The following CAMTA1 variants were observed in gnomAD, a reference collection of about 807,000 sequenced individuals.
CAMTA1 encodes the protein calmodulin binding transcription activator 1, also known as calmodulin-binding transcription activator 1.
A neutral mutation model predicts 170.9 loss-of-function variants in CAMTA1; 27 were observed. The observed-to-expected ratio is 0.16, with a 90% CI of 0.12 to 0.22. CAMTA1 has a LOEUF of 0.22. Among genes scored for constraint, CAMTA1 ranks in the 10% least tolerant of loss-of-function variants. CAMTA1 has a pLI of 1.00. For synonymous variants in CAMTA1, 833 were observed against 891.5 expected (o/e 0.93, Z 1.17); for missense variants, 1,619 against 2,217.2 (o/e 0.73, Z 5.42).
chr1:7,619,874 T>A (rs1576435149), intron 6 of CAMTA1, among the ~76,000 whole-genome samples: 1 of 152,212 alleles, frequency 6.6e-6, no homozygotes, highest in African/African-American at 2.4e-5. Flanking sequence ...GGTCTTGAAC[T>A]CCTGGGCTCA....
intron 5 of CAMTA1, among the ~76,000 whole-genome samples, chr1:7,288,296 C>T (rs1239661471): frequency 6.6e-6 from 1 of 152,194 alleles, no homozygotes; most frequent in Admixed American, 6.5e-5. Context: ...GCTTTCCTAA[C>T]AGGAAGGGGT....
intron 11 of CAMTA1, among the ~76,000 whole-genome samples, chr1:7,684,907 T>C (rs2096244928): frequency 6.6e-6 from 1 of 152,066 alleles, no homozygotes; most frequent in Non-Finnish European, 1.5e-5. Flanking sequence ...ACCAGAAGCC[T>C]CCTGAGGGTT....
intron 5 of CAMTA1, among the ~76,000 whole-genome samples, chr1:7,302,794 G>T (rs532705005): frequency 2.0e-5 from 3 of 152,256 alleles, no homozygotes; most frequent in Admixed American, 6.5e-5. Flanking sequence ...TCTTTTGTTG[G>T]TCACATGGAT....
chr1:7,045,549 T>TA (rs768327799), intron 3 of CAMTA1, among the ~76,000 whole-genome samples: 14 of 152,252 alleles, frequency 9.2e-5, no homozygotes, highest in Non-Finnish European at 1.8e-4. Flanking sequence ...AGATTATTTT[T>TA]ATTCCATTAG....
At chr1:7,070,564 C>G (rs150694064) in intron 3 of CAMTA1, among the ~76,000 whole-genome samples, 2,654 of 152,278 alleles carry the variant, frequency 0.017, 108 homozygotes, top group Admixed American at 0.096. Context: ...TCTCTCTCAT[C>G]ACGGTGATGC....
intron 5 of CAMTA1, among the ~76,000 whole-genome samples, chr1:7,454,959 C>A (rs1020825494): frequency 6.6e-6 from 1 of 152,160 alleles, no homozygotes; most frequent in African/African-American, 2.4e-5. Flanking sequence ...TTTCATTCTG[C>A]AGATGATGAA....
intron 1 of CAMTA1, among the ~76,000 whole-genome samples, chr1:6,817,915 T>TATA (rs2148426290): frequency 6.6e-6 from 1 of 152,304 alleles, no homozygotes; most frequent in South Asian, 2.1e-4. Context: ...GGAGTCACAT[T>TATA]ATAGAGAAAG....
rs757973349 is a variant in CAMTA1 at position 7,746,062 on chromosome 1, C to T, written c.4588C>T (p.Leu1530Phe). Residue 1530 changes from leucine (L) to phenylalanine (F), a missense_variant, in exon 18 of 23, where the codon CTT becomes TTT. Transcript: ENST00000303635. Reference protein sequence around the residue: ...EQRELYEAARLVQTAFRKYKG... With the variant: ...EQRELYEAARFVQTAFRKYKG... Reference sequence around the variant, plus strand: ...GAGAGAACTCTATGAGGCTGCCAGGCTTGTCCAGACAGCTTTCCGGAAATA... The same window carrying T: ...GAGAGAACTCTATGAGGCTGCCAGGTTTGTCCAGACAGCTTTCCGGAAATA... 21 of 1,614,072 alleles carry T rather than the reference C, an allele frequency of 1.3e-5. No individual in the cohort carries two copies. Among genetic ancestry groups the T allele is most frequent in the Non-Finnish European group, 1.7e-5 (20 of 1,180,012 alleles).
At chr1:7,655,209 AACACACCCATCTATAC>A (rs1328291725) in intron 7 of CAMTA1, among the ~76,000 whole-genome samples, 1 of 88,370 alleles carries the variant, frequency 1.1e-5, no homozygotes, top group Non-Finnish European at 2.2e-5. Context: ...TATACACACA[AACACACCCATCTATAC>A]ACACACACAC....
At chr1:6,829,484 CAG>C (rs1418331932) in intron 3 of CAMTA1, among the ~76,000 whole-genome samples, 1 of 152,194 alleles carries the variant, frequency 6.6e-6, no homozygotes, top group Non-Finnish European at 1.5e-5. Context: ...TACTGGTCCT[CAG>C]GTGGTAAAGA....
chr1:7,457,945 C>T (rs990362644), intron 5 of CAMTA1, among the ~76,000 whole-genome samples: 1 of 152,194 alleles, frequency 6.6e-6, no homozygotes, highest in South Asian at 2.1e-4. Context: ...TGTCCTGTCC[C>T]CCACGGCCAG....
chr1:7,032,067 G>T (rs1227942394), intron 3 of CAMTA1, among the ~76,000 whole-genome samples: 1 of 152,072 alleles, frequency 6.6e-6, no homozygotes, highest in African/African-American at 2.4e-5. Flanking sequence ...CTGGGTTCAA[G>T]AAATTTTCCT....
chr1:6,910,683 T>A (rs1170466610), intron 3 of CAMTA1, among the ~76,000 whole-genome samples: 1 of 152,346 alleles, frequency 6.6e-6, no homozygotes, highest in East Asian at 1.9e-4. Flanking sequence ...CTTTTCTGTT[T>A]ATAGAGCGCA....
chr1:7,417,321 A>C (rs1281584089), intron 5 of CAMTA1, among the ~76,000 whole-genome samples: 1 of 152,240 alleles, frequency 6.6e-6, no homozygotes, highest in Non-Finnish European at 1.5e-5. Flanking sequence ...AGGGACGTTT[A>C]AGTCTGCAGA....
chr1:7,119,029 C>A (rs145337434), intron 4 of CAMTA1, among the ~76,000 whole-genome samples: 14 of 152,288 alleles, frequency 9.2e-5, no homozygotes, highest in African/African-American at 2.9e-4. Context: ...TCCTGTATTT[C>A]CCGGATACCC....
chr1:7,496,237 G>C (rs771277285), intron 6 of CAMTA1, among the ~76,000 whole-genome samples: 6 of 152,220 alleles, frequency 3.9e-5, no homozygotes, highest in African/African-American at 7.2e-5. Flanking sequence ...TGCGGGAGGA[G>C]GTGCTGGAGA....
chr1:6,832,598 T>C (rs1650821571), intron 3 of CAMTA1, among the ~76,000 whole-genome samples: 2 of 152,128 alleles, frequency 1.3e-5, no homozygotes, highest in South Asian at 4.1e-4. Flanking sequence ...ACTTCCTAAA[T>C]GTGAGCTAAG....
At chr1:7,599,563 T>C (rs2095425091) in intron 6 of CAMTA1, among the ~76,000 whole-genome samples, 1 of 152,246 alleles carries the variant, frequency 6.6e-6, no homozygotes, top group South Asian at 2.1e-4. Flanking sequence ...TGATTCTTCC[T>C]ACCCATGAGC....
chr1:6,921,438 G>A (rs146408432), intron 3 of CAMTA1, among the ~76,000 whole-genome samples: 25 of 152,236 alleles, frequency 1.6e-4, no homozygotes, highest in East Asian at 1.2e-3. Context: ...ACTTTTGCAC[G>A]TTTTCCTGTC....
Sources: gnomAD v4.1 joint callset for allele counts (sites outside exome capture counted in the v4.1 genomes callset) on GRCh38, gnomAD v4.1.1 for gene constraint, MANE v1.5 for transcripts, NCBI Gene and HGNC (gene_info 2026-07-23, HGNC 2026-07-21) for gene names.